Variants in CACNA2D3 observed in about 807,000 individuals in gnomAD.
The protein encoded by CACNA2D3 is voltage-dependent calcium channel subunit alpha-2/delta-3.
Under a neutral mutation model 160.6 loss-of-function variants are expected in CACNA2D3, and 60 were observed. The ratio of observed to expected loss-of-function variants is 0.37; its 90% CI spans 0.30 to 0.46. The LOEUF (loss-of-function observed/expected upper bound fraction) is 0.46, where lower values mean the gene tolerates loss of function less well. Ranked by LOEUF, CACNA2D3 falls within the 20% of genes least tolerant of loss-of-function variation. The probability of loss-of-function intolerance (pLI) is 1.00; values close to 1 mark genes in which losing one functional copy is unlikely to be tolerated. For synonymous variants in CACNA2D3, 558 were observed against 492.9 expected (o/e 1.13, Z -1.75); for missense variants, 1,205 against 1,365.0 (o/e 0.88, Z 1.85).
chr3:54,881,794 C>A (rs1163138405), intron 21 of CACNA2D3, among the ~76,000 whole-genome samples: 1 of 152,204 alleles, frequency 6.6e-6, no homozygotes, highest in East Asian at 1.9e-4. Flanking sequence ...ACTGATTACA[C>A]ATGTATGTGG....
intron 27 of CACNA2D3, among the ~76,000 whole-genome samples, chr3:54,955,036 G>A (rs1701848162): frequency 6.6e-6 from 1 of 152,146 alleles, no homozygotes; most frequent in African/African-American, 2.4e-5. Context: ...ACCCTCTGAA[G>A]GTTTGCTGAA....
chr3:54,985,177 C>T (rs555501507), intron 30 of CACNA2D3, among the ~76,000 whole-genome samples: 59 of 152,236 alleles, frequency 3.9e-4, no homozygotes, highest in African/African-American at 1.4e-3. Context: ...GCTCTCAACA[C>T]CGAGGGACAA....
chr3:55,022,855 C>T (rs568801192), intron 35 of CACNA2D3, among the ~76,000 whole-genome samples: 28 of 152,102 alleles, frequency 1.8e-4, no homozygotes, highest in Admixed American at 5.2e-4. Context: ...TGGATTACCT[C>T]ACATCTCTTT....
chr3:54,646,150 C>T (rs867223971), intron 11 of CACNA2D3, among the ~76,000 whole-genome samples: 1 of 13,638 alleles, frequency 7.3e-5, no homozygotes, highest in Admixed American at 8.8e-4. Flanking sequence ...TTCCTTCCTT[C>T]CCTCCCTCCC....
At chr3:55,038,565 G>A (rs868006295) in intron 35 of CACNA2D3, among the ~76,000 whole-genome samples, 19 of 152,018 alleles carry the variant, frequency 1.2e-4, no homozygotes, top group South Asian at 6.2e-4. Flanking sequence ...TGCACTCACA[G>A]GTATATAACA....
At chr3:54,460,150 AGTACCATGCTGTTTTGGTTACT>A (rs1357880499) in intron 4 of CACNA2D3, among the ~76,000 whole-genome samples, 2 of 151,738 alleles carry the variant, frequency 1.3e-5, no homozygotes, top group African/African-American at 4.8e-5. Flanking sequence ...TTTTGGTACC[AGTACCATGCTGTTTTGGTTACT>A]GTAGCCTTGT....
At chr3:54,173,681 G>A (rs889336470) in intron 2 of CACNA2D3, among the ~76,000 whole-genome samples, 18 of 152,206 alleles carry the variant, frequency 1.2e-4, no homozygotes, top group Admixed American at 3.9e-4. Flanking sequence ...GCACAGGTAC[G>A]TCTAAAAGAT....
intron 27 of CACNA2D3, among the ~76,000 whole-genome samples, chr3:54,904,052 C>T (rs1700400655): frequency 6.6e-6 from 1 of 152,186 alleles, no homozygotes; most frequent in Non-Finnish European, 1.5e-5. Flanking sequence ...CTGCAGGCTG[C>T]AAACCCCAAG....
chr3:54,476,998 C>A (rs1276627435), intron 4 of CACNA2D3, among the ~76,000 whole-genome samples: 1 of 152,150 alleles, frequency 6.6e-6, no homozygotes, highest in Non-Finnish European at 1.5e-5. Context: ...TGGCTGGATA[C>A]CCTCATCAGT....
chr3:54,713,956 G>T (rs575603570), intron 11 of CACNA2D3, among the ~76,000 whole-genome samples: 1 of 152,270 alleles, frequency 6.6e-6, no homozygotes, highest in Admixed American at 6.5e-5. Flanking sequence ...TTTCACATAT[G>T]TGATGATGGT....
chr3:54,649,425 G>A (rs1459256929), intron 11 of CACNA2D3, among the ~76,000 whole-genome samples: 1 of 152,224 alleles, frequency 6.6e-6, no homozygotes. Context: ...CCTCTACAGA[G>A]GCTCGGGAAA....
intron 11 of CACNA2D3, among the ~76,000 whole-genome samples, chr3:54,741,084 C>G (rs537096124): frequency 6.6e-6 from 1 of 152,022 alleles, no homozygotes; most frequent in Non-Finnish European, 1.5e-5. Context: ...TGATGTGGGC[C>G]TTTGGGGTCT....
chr3:54,294,962 C>CTT (rs11391376), intron 2 of CACNA2D3, among the ~76,000 whole-genome samples: 15 of 150,250 alleles, frequency 1.0e-4, no homozygotes, highest in Middle Eastern at 3.5e-3. Flanking sequence ...CTTGCTTCCA[C>CTT]TTTTTTTTTT....
chr3:54,426,344 G>A (rs1315878485), intron 4 of CACNA2D3, among the ~76,000 whole-genome samples: 4 of 152,064 alleles, frequency 2.6e-5, no homozygotes, highest in East Asian at 1.9e-4. Flanking sequence ...TTAGCCTTCC[G>A]TCTTTGTTAT....
intron 27 of CACNA2D3, among the ~76,000 whole-genome samples, chr3:54,924,037 T>G (rs1700938020): frequency 6.6e-6 from 1 of 152,136 alleles, no homozygotes; most frequent in South Asian, 2.1e-4. Flanking sequence ...GTTTCCAGAG[T>G]CCCTCATCTT....
intron 3 of CACNA2D3, among the ~76,000 whole-genome samples, chr3:54,381,672 A>C (rs979281203): frequency 1.8e-4 from 27 of 152,302 alleles, no homozygotes; most frequent in African/African-American, 6.3e-4. Flanking sequence ...TGTTGTGCGG[A>C]TATACATAGG....
intron 11 of CACNA2D3, among the ~76,000 whole-genome samples, chr3:54,689,422 T>G (rs1575424701): frequency 6.6e-6 from 1 of 152,090 alleles, no homozygotes; most frequent in Admixed American, 6.6e-5. Flanking sequence ...CCCCCAGATG[T>G]GTATCTCCAG....
At chr3:54,261,931 C>T (rs1332642152) in intron 2 of CACNA2D3, among the ~76,000 whole-genome samples, 2 of 152,170 alleles carry the variant, frequency 1.3e-5, no homozygotes, top group Non-Finnish European at 2.9e-5. Context: ...CCCATGGTGC[C>T]TGACTATGTC....
chr3:54,423,834 A>G (rs141806899), intron 4 of CACNA2D3, among the ~76,000 whole-genome samples: 117 of 151,824 alleles, frequency 7.7e-4, no homozygotes, highest in African/African-American at 2.3e-3. Context: ...CACAGGCTCC[A>G]TATTCAGGAG....
Sources: gnomAD v4.1 joint callset for allele counts (sites outside exome capture counted in the v4.1 genomes callset) on GRCh38, gnomAD v4.1.1 for gene constraint, MANE v1.5 for transcripts, NCBI Gene and HGNC (gene_info 2026-07-23, HGNC 2026-07-21) for gene names.